CNTLN: variants seen among roughly 807,000 people sequenced by gnomAD.
The protein encoded by CNTLN is centlein.
A neutral mutation model predicts 180.0 loss-of-function variants in CNTLN; 212 were observed. The observed-to-expected ratio is 1.18, with a 90% confidence interval of 1.05 to 1.32. CNTLN has a LOEUF of 1.32. Ranked by LOEUF, CNTLN falls within the 40% of genes most tolerant of loss-of-function variation. The pLI is 0.00. For missense variants in CNTLN, 2,095 were observed against 1,610.9 expected, an observed-to-expected ratio of 1.30 and a Z score of -5.14; for synonymous variants, 722 against 563.1, an observed-to-expected ratio of 1.28 and a Z score of -3.99.
the CNTLN span, among the ~76,000 whole-genome samples, chr9:17,519,458 C>T: frequency 6.6e-6 from 1 of 152,130 alleles, no homozygotes; most frequent in Non-Finnish European, 1.5e-5. Flanking sequence ...CTTAACTTCT[C>T]ACTCACTTAC....
At position 17,181,615 on chromosome 9, in the gene CNTLN, A is replaced by G. The variant is rs571205617; in HGVS notation, c.449+38239A>G. ...CTGATTGAATCTGGATGCTTTGGGT[A>G]TTACATTATGAACTCTGTATCTTAT... On this transcript the variant is annotated intron_variant, in intron 2 of 25. Transcript: ENST00000380647. 1.8e-4 allele frequency among the ~76,000 whole-genome samples: 28 copies of G among 152,300 alleles called. No individual in the cohort carries two copies. In the South Asian group the frequency reaches 2.3e-3, roughly 12 times the overall value.
intron 15 of CNTLN, among the ~76,000 whole-genome samples, chr9:17,396,116 T>G (rs1274207484): frequency 1.3e-5 from 2 of 152,182 alleles, no homozygotes; most frequent in South Asian, 4.1e-4. Flanking sequence ...AGTTACCCTA[T>G]GTGGTCTAAA....
chr9:17,420,600 G>C (rs1342037946), intron 18 of CNTLN, among the ~76,000 whole-genome samples: 1 of 150,758 alleles, frequency 6.6e-6, no homozygotes, highest in Non-Finnish European at 1.5e-5. Context: ...ACTAATTTTG[G>C]GTTTGGTTTG....
the CNTLN span, among the ~76,000 whole-genome samples, chr9:17,513,221 C>A: frequency 6.7e-6 from 1 of 149,976 alleles, no homozygotes. Context: ...ATCTGTGAGG[C>A]AAAGATAAAT....
At chr9:17,269,038 C>A (rs1419600967) in intron 5 of CNTLN, among the ~76,000 whole-genome samples, 1 of 152,048 alleles carries the variant, frequency 6.6e-6, no homozygotes, top group South Asian at 2.1e-4. Context: ...TGCGCTGCAC[C>A]CACTGTCCTG....
At chr9:17,259,414 C>T (rs11523044) in intron 5 of CNTLN, among the ~76,000 whole-genome samples, 6 of 128,058 alleles carry the variant, frequency 4.7e-5, no homozygotes, top group African/African-American at 9.5e-5. Context: ...AATGTTCATC[C>T]GGGATATTGG....
Position 17,355,300 on chromosome 9 carries a change from C to T in CNTLN, c.1887-11317C>T, listed in dbSNP as rs149250492. Among the ~76,000 whole-genome samples, 538 of 152,334 alleles carry T rather than the reference C, an allele frequency of 3.5e-3. 2 individuals are homozygous for T. Among genetic ancestry groups the T allele is most frequent in the African/African-American group, 0.013 (521 of 41,578 alleles). The stretch of plus-strand genomic sequence containing the variant: ...TTGGCCTCCCAAACTGCTGGGATTA[C>T]AGGTGTGAGCCACCGTGCCCAGCCA... On this transcript the variant is annotated intron_variant, in intron 12 of 25. Coordinates refer to ENST00000380647, the MANE Select transcript of CNTLN (RefSeq NM_017738.4).
At chr9:17,313,218 C>A (rs1018078999) in intron 8 of CNTLN, among the ~76,000 whole-genome samples, 1 of 152,002 alleles carries the variant, frequency 6.6e-6, no homozygotes, top group Non-Finnish European at 1.5e-5. Context: ...ATATTTAAAG[C>A]GTATATATTC....
At chr9:17,300,814 C>A in intron 7 of CNTLN, 1 of 219,366 alleles carries the variant, frequency 4.6e-6, no homozygotes, top group South Asian at 1.7e-4. Flanking sequence ...TCCAGCAACA[C>A]AAACCATGTT....
intron 18 of CNTLN, among the ~76,000 whole-genome samples, chr9:17,449,633 C>T (rs1830673103): frequency 6.6e-6 from 1 of 152,242 alleles, no homozygotes; most frequent in East Asian, 1.9e-4. Context: ...ACTTGAAAGT[C>T]AATTGTATTA....
At chr9:17,262,369 T>G (rs142922124) in intron 5 of CNTLN, among the ~76,000 whole-genome samples, 6 of 151,722 alleles carry the variant, frequency 4.0e-5, no homozygotes, top group African/African-American at 1.5e-4. Flanking sequence ...ATGTGGTAGA[T>G]ATACACCATG....
intron 6 of CNTLN, among the ~76,000 whole-genome samples, chr9:17,295,317 A>G (rs1421471149): frequency 6.6e-6 from 1 of 152,172 alleles, no homozygotes; most frequent in East Asian, 1.9e-4. Context: ...AAGCGCCGCC[A>G]GAGTGGGCGC....
chr9:17,229,113 G>A (rs1824655380), intron 3 of CNTLN, among the ~76,000 whole-genome samples: 1 of 151,972 alleles, frequency 6.6e-6, no homozygotes, highest in Non-Finnish European at 1.5e-5. Context: ...AATGAGGAAG[G>A]AAAAATTGTA....
chr9:17,366,648 A>T lies in CNTLN; in HGVS notation c.1918A>T (p.Lys640Ter). The stretch of plus-strand genomic sequence containing the variant: ...TCTTGAAGAAGAATTAGATGAACTT[A>T]AAGTACATATATCTATTGATAAGGC... ...MNLEEELDEL[K>*]VHISIDKAAI... The change falls in exon 13 of 26, where the codon AAA (lysine) becomes TAA (stop). Residue 640 changes from lysine (K) to a stop codon, truncating the protein, a stop_gained. Transcript: ENST00000380647. LOFTEE classifies it high-confidence loss of function. 6.4e-7 allele frequency: 1 copy of T among 1,568,014 alleles called. No homozygotes were observed. Among genetic ancestry groups the T allele is most frequent in the African/African-American group, 1.4e-5 (1 of 73,734 alleles).
At chr9:17,376,325 C>T (rs974687518) in intron 13 of CNTLN, among the ~76,000 whole-genome samples, 1 of 151,936 alleles carries the variant, frequency 6.6e-6, no homozygotes, top group Non-Finnish European at 1.5e-5. Flanking sequence ...TACATACTTA[C>T]ATTCGAGCAG....
chr9:17,362,278 A>G, intron 12 of CNTLN, among the ~76,000 whole-genome samples: 1 of 152,136 alleles, frequency 6.6e-6, no homozygotes, highest in African/African-American at 2.4e-5. Flanking sequence ...TTGCTTCAGT[A>G]TGTTCCACGT....
At chr9:17,273,699 T>A in intron 5 of CNTLN, 34 bp from the exon 6 acceptor site, 1 of 1,144,044 alleles carries the variant, frequency 8.7e-7, no homozygotes, top group Non-Finnish European at 1.2e-6. Context: ...GTATTTATTA[T>A]GTTTGATTAT....
At chr9:17,169,022 G>C (rs534144399) in intron 2 of CNTLN, among the ~76,000 whole-genome samples, 1 of 151,994 alleles carries the variant, frequency 6.6e-6, no homozygotes, top group Non-Finnish European at 1.5e-5. Context: ...TTAAGTGACC[G>C]CATCTTGCTT....
intron 14 of CNTLN, among the ~76,000 whole-genome samples, chr9:17,391,588 C>A (rs1431023222): frequency 6.6e-6 from 1 of 151,516 alleles, no homozygotes; most frequent in Non-Finnish European, 1.5e-5. Flanking sequence ...GGATTTCAGT[C>A]AACAGAAAAA....
Sources: allele counts gnomAD v4.1 joint callset (sites outside exome capture counted in the v4.1 genomes callset), GRCh38; gene constraint gnomAD v4.1.1; transcripts MANE v1.5; gene names NCBI Gene and HGNC (gene_info 2026-07-23, HGNC 2026-07-21).